The following CCDC146 variants were observed in gnomAD, a reference collection of about 807,000 sequenced individuals.
CCDC146 encodes the protein coiled-coil domain containing 146.
Under a neutral mutation model 119.3 loss-of-function variants are expected in CCDC146, and 92 were observed. The observed-to-expected ratio is 0.77, with a 90% confidence interval of 0.65 to 0.92. The LOEUF (loss-of-function observed/expected upper bound fraction) is 0.92, where lower values mean the gene tolerates loss of function less well. CCDC146 is among the 40% of genes least tolerant of loss of function. The pLI, the probability that CCDC146 is intolerant of heterozygous loss-of-function variation, is 0.00. For synonymous variants in CCDC146, 372 were observed against 371.8 expected, an observed-to-expected ratio of 1.00 and a Z score of -0.01; for missense variants, 1,000 against 1,103.0, an observed-to-expected ratio of 0.91 and a Z score of 1.32.
chr7:77,195,759 C>T (rs1187736057), intron 2 of CCDC146: 3 of 152,780 alleles, frequency 2.0e-5, no homozygotes, highest in African/African-American at 2.4e-5. Context: ...CAGGTTCAAG[C>T]GATTCTCCTG....
chr7:77,253,734 G>T (rs12672474), intron 4 of CCDC146, among the ~76,000 whole-genome samples: 11,125 of 152,270 alleles, frequency 0.073, 762 homozygotes, highest in East Asian at 0.28. Context: ...AACAAGGAAA[G>T]AGTTTTGAGG....
intron 3 of CCDC146, 172 bp downstream of exon 3, chr7:77,237,201 A>C (rs1469494028): frequency 1.7e-6 from 1 of 590,524 alleles, no homozygotes; most frequent in African/African-American, 1.9e-5. Flanking sequence ...GGGAAGTGCG[A>C]CTGGGAAGGA....
rs758101331 is a variant in CCDC146 at position 77,278,776 on chromosome 7, G to T, written c.1465G>T (p.Glu489Ter). Residue 489 changes from glutamate to a stop codon, truncating the protein, a stop_gained, in exon 12 of 19, where the codon GAA becomes TAA. Transcript: ENST00000285871. LOFTEE classifies it high-confidence loss of function. The stretch of plus-strand genomic sequence containing the variant: ...GCAAAAATACACCAACATTGTTAAA[G>T]AAATGAAAGCAAAGGATCTTGAAAT... ...AQQKYTNIVK[E>*]MKAKDLEIRI... 2.5e-6 allele frequency: 4 copies of T among 1,610,916 alleles called. No homozygotes were observed. Among genetic ancestry groups the T allele is most frequent in the African/African-American group, 1.3e-5 (1 of 74,700 alleles).
At chr7:77,145,628 C>T (rs890199803) in intron 1 of CCDC146, among the ~76,000 whole-genome samples, 72 of 152,224 alleles carry the variant, frequency 4.7e-4, no homozygotes, top group African/African-American at 1.4e-3. Flanking sequence ...TCTTTGTTCT[C>T]ATTGGTTTCA....
At position 77,282,725 on chromosome 7, in the gene CCDC146, C is replaced by G; in HGVS notation, c.2088C>G (p.Thr696=). The G allele has an allele frequency of 6.2e-7, 1 of 1,614,000 alleles. No individual in the cohort carries two copies. The highest frequency in any genetic ancestry group is 1.1e-5 in the South Asian group (1 of 91,060). The change falls in exon 15 of 19, where the codon ACC becomes ACG. Residue 696 remains threonine, a synonymous_variant. Coordinates refer to ENST00000285871, the MANE Select transcript of CCDC146 (RefSeq NM_020879.3). ...AGAAGCAAAGACAAATTTGTGTGAC[C>G]CAGAAATTACTGCCAGCCAAGAGGT... ...IAEKQRQICV[T]QKLLPAKRSL... is the part of the protein sequence containing the mutation.
At position 77,127,209 on chromosome 7, in the gene CCDC146, T is replaced by A. The variant is rs183048274; in HGVS notation, c.-12+4477T>A. ...GGGGCGGGATTCCCCAGCTCCTGCC[T>A]GCTCCATGTTGTGGGAGGCCCAGGT... On this transcript the variant is annotated intron_variant, in intron 1 of 18. Coordinates refer to ENST00000285871, the MANE Select transcript of CCDC146 (RefSeq NM_020879.3). Among the ~76,000 whole-genome samples the A allele has an allele frequency of 6.4e-4, 98 of 152,238 alleles. No individual in the cohort carries two copies. In the East Asian group the frequency reaches 0.016, roughly 25 times the overall value.
At chr7:77,218,359 T>A (rs1412729990) in intron 2 of CCDC146, among the ~76,000 whole-genome samples, 1 of 151,638 alleles carries the variant, frequency 6.6e-6, no homozygotes, top group Non-Finnish European at 1.5e-5. Context: ...TAAAGCAAGG[T>A]CCCAATCTCA....
At chr7:77,160,589 G>A (rs1021003978) in intron 1 of CCDC146, among the ~76,000 whole-genome samples, 6 of 152,130 alleles carry the variant, frequency 3.9e-5, no homozygotes, top group Non-Finnish European at 5.9e-5. Context: ...TTGGTGTATA[G>A]GAATGCTTGT....
chr7:77,141,478 C>T (rs1409903571), intron 1 of CCDC146, among the ~76,000 whole-genome samples: 1 of 152,122 alleles, frequency 6.6e-6, no homozygotes. Context: ...GTTCTTGATC[C>T]TTGAGGAATC....
chr7:77,212,095 G>A lies in CCDC146; in HGVS notation c.157-24852G>A, dbSNP rs539494469. On this transcript the variant is annotated intron_variant, in intron 2 of 18. Transcript: ENST00000285871. ...TATGCAATGCACTTAGACAGAAAAT[G>A]ATGCATACATATGGGAAAGAACAAA... is the stretch of plus-strand genomic sequence containing the variant. 4.6e-5 allele frequency among the ~76,000 whole-genome samples: 7 copies of A among 152,116 alleles called. No homozygotes were observed. In the East Asian group the frequency reaches 1.2e-3, roughly 25 times the overall value.
chr7:77,287,739 T>C (rs1448139973), intron 17 of CCDC146, among the ~76,000 whole-genome samples, 162 bp downstream of exon 17: 2 of 152,210 alleles, frequency 1.3e-5, no homozygotes, highest in African/African-American at 4.8e-5. Flanking sequence ...TTGTCCAAAA[T>C]GTTTCAATCT....
intron 1 of CCDC146, among the ~76,000 whole-genome samples, chr7:77,132,450 C>A (rs1790797578): frequency 1.4e-5 from 2 of 146,280 alleles, no homozygotes; most frequent in South Asian, 4.3e-4. Context: ...GGTGTGGTGG[C>A]TTATGCCTAT....
At chr7:77,280,029 T>G (rs1793733176) in intron 13 of CCDC146, among the ~76,000 whole-genome samples, 1 of 152,210 alleles carries the variant, frequency 6.6e-6, no homozygotes, top group South Asian at 2.1e-4. Flanking sequence ...AGGCCATGCA[T>G]TCATTCAGCA....
chr7:77,267,895 C>T (rs748889827), intron 9 of CCDC146, among the ~76,000 whole-genome samples: 4 of 152,142 alleles, frequency 2.6e-5, no homozygotes, highest in African/African-American at 9.7e-5. Context: ...GAAATCTCTT[C>T]TAAGCCTCAT....
chr7:77,263,632 G>T (rs71573339), intron 9 of CCDC146, among the ~76,000 whole-genome samples: 25,500 of 152,192 alleles, frequency 0.17, 2,895 homozygotes, highest in Admixed American at 0.23. Context: ...ATCTTTTCAA[G>T]AAGTTCTCTG....
chr7:77,243,895 T>C (rs948893519), intron 4 of CCDC146, among the ~76,000 whole-genome samples: 2 of 152,170 alleles, frequency 1.3e-5, no homozygotes, highest in South Asian at 2.1e-4. Context: ...GTTGTTTGTT[T>C]TGAGACAGAG....
At chr7:77,161,559 T>G (rs1791261959) in intron 1 of CCDC146, among the ~76,000 whole-genome samples, 2 of 147,368 alleles carry the variant, frequency 1.4e-5, no homozygotes, top group Non-Finnish European at 3.0e-5. Context: ...ACACCGCATA[T>G]TCTCACTCAT....
chr7:77,158,731 G>A (rs1791213046), intron 1 of CCDC146, among the ~76,000 whole-genome samples: 1 of 152,148 alleles, frequency 6.6e-6, no homozygotes, highest in African/African-American at 2.4e-5. Context: ...TGTTGGCCAG[G>A]CTGGTCTCTA....
chr7:77,151,347 A>G (rs1205762755), intron 1 of CCDC146, among the ~76,000 whole-genome samples: 1 of 152,146 alleles, frequency 6.6e-6, no homozygotes, highest in Non-Finnish European at 1.5e-5. Flanking sequence ...TAGAAAAGGC[A>G]AAACTACTGG....
Sources: gnomAD v4.1 joint callset for allele counts (sites outside exome capture counted in the v4.1 genomes callset) on GRCh38, gnomAD v4.1.1 for gene constraint, MANE v1.5 for transcripts, NCBI Gene and HGNC (gene_info 2026-07-23, HGNC 2026-07-21) for gene names.